The following TNFSF4 variants were observed in gnomAD, a reference collection of about 807,000 sequenced individuals.
TNFSF4 encodes TNF superfamily member 4.
In TNFSF4, 4 loss-of-function variants were observed where a neutral mutation model predicts 7.3. The observed-to-expected ratio is 0.55, with a 90% confidence interval of 0.27 to 1.25. The LOEUF (loss-of-function observed/expected upper bound fraction) is 1.25, where lower values mean the gene tolerates loss of function less well. Ranked by LOEUF, TNFSF4 falls within the 50% of genes most tolerant of loss-of-function variation. The pLI, the probability that TNFSF4 is intolerant of heterozygous loss-of-function variation, is 0.12. For missense variants in TNFSF4, 181 were observed against 208.8 expected (o/e 0.87, Z 0.82); for synonymous variants, 76 against 83.7 (o/e 0.91, Z 0.50).
At chr1:173,222,437 A>T in the TNFSF4 span, among the ~76,000 whole-genome samples, 8 of 152,232 alleles carry the variant, frequency 5.3e-5, no homozygotes, top group Non-Finnish European at 8.8e-5. Context: ...GGCAATTGAG[A>T]TCTTGATACT....
chr1:173,434,525 T>C, the TNFSF4 span, among the ~76,000 whole-genome samples: 631 of 152,266 alleles, frequency 4.1e-3, 3 homozygotes, highest in Middle Eastern at 0.014. Flanking sequence ...GAGTGAACAA[T>C]GGGTGCAAAC....
At chr1:173,342,925 C>T in the TNFSF4 span, among the ~76,000 whole-genome samples, 1 of 152,182 alleles carries the variant, frequency 6.6e-6, no homozygotes, top group Non-Finnish European at 1.5e-5. Context: ...CCACCATCAA[C>T]AAAACATGCT....
the TNFSF4 span, among the ~76,000 whole-genome samples, chr1:173,323,778 T>A: frequency 6.6e-6 from 1 of 151,516 alleles, no homozygotes; most frequent in African/African-American, 2.4e-5. Context: ...GGAGACAAAA[T>A]GAATGAAATA....
At chr1:173,318,387 C>G in the TNFSF4 span, among the ~76,000 whole-genome samples, 15 of 152,292 alleles carry the variant, frequency 9.8e-5, no homozygotes, top group Admixed American at 4.6e-4. Flanking sequence ...CAATAGAAAA[C>G]TCATTCTCTC....
the TNFSF4 span, among the ~76,000 whole-genome samples, chr1:173,360,306 A>G: frequency 5.2e-5 from 8 of 152,382 alleles, no homozygotes; most frequent in East Asian, 5.8e-4. Flanking sequence ...GAGAGCTGTC[A>G]GGACCAAAGT....
the TNFSF4 span, among the ~76,000 whole-genome samples, chr1:173,177,190 C>A: frequency 6.6e-6 from 1 of 151,978 alleles, no homozygotes; most frequent in Admixed American, 6.5e-5. Flanking sequence ...AATTTTTAGA[C>A]TAGAAAATAT....
chr1:173,354,735 TA>T, the TNFSF4 span, among the ~76,000 whole-genome samples: 1 of 152,114 alleles, frequency 6.6e-6, no homozygotes, highest in Non-Finnish European at 1.5e-5. Context: ...AAATAAAAAA[TA>T]AAAAACTTTG....
At chr1:173,333,547 C>T in the TNFSF4 span, among the ~76,000 whole-genome samples, 2 of 151,858 alleles carry the variant, frequency 1.3e-5, no homozygotes, top group Non-Finnish European at 1.5e-5. Context: ...GATGGGGCCC[C>T]CGTGATGGGA....
the TNFSF4 span, among the ~76,000 whole-genome samples, chr1:173,390,287 C>A: frequency 1.3e-5 from 2 of 152,030 alleles, no homozygotes; most frequent in Middle Eastern, 3.4e-3. Context: ...CTGTTGCTGC[C>A]TTTGTAGGTC....
At chr1:173,372,496 G>T in the TNFSF4 span, among the ~76,000 whole-genome samples, 2 of 152,150 alleles carry the variant, frequency 1.3e-5, no homozygotes, top group Non-Finnish European at 2.9e-5. Flanking sequence ...ACTCAGACTC[G>T]TGGGACAACC....
At chr1:173,237,264 A>G in the TNFSF4 span, among the ~76,000 whole-genome samples, 185 of 152,318 alleles carry the variant, frequency 1.2e-3, no homozygotes, top group African/African-American at 4.2e-3. Flanking sequence ...GACTAATACA[A>G]TATGCAAATC....
At chr1:173,238,009 A>G in the TNFSF4 span, among the ~76,000 whole-genome samples, 1 of 152,176 alleles carries the variant, frequency 6.6e-6, no homozygotes, top group African/African-American at 2.4e-5. Flanking sequence ...TTCAAACTGT[A>G]CTACAAGGCT....
chr1:173,229,806 T>G, the TNFSF4 span, among the ~76,000 whole-genome samples: 7 of 152,030 alleles, frequency 4.6e-5, no homozygotes, highest in African/African-American at 9.7e-5. Flanking sequence ...CAACAGACTT[T>G]AAACCGACAA....
chr1:173,310,395 A>G, the TNFSF4 span, among the ~76,000 whole-genome samples: 1 of 151,894 alleles, frequency 6.6e-6, no homozygotes. Flanking sequence ...GTGATTTTTA[A>G]ATATTTGACC....
chr1:173,329,319 C>G, the TNFSF4 span, among the ~76,000 whole-genome samples: 1 of 152,082 alleles, frequency 6.6e-6, no homozygotes, highest in African/African-American at 2.4e-5. Context: ...CCTATACTAC[C>G]TAATACAATG....
At chr1:173,238,356 C>T in the TNFSF4 span, among the ~76,000 whole-genome samples, 2 of 152,090 alleles carry the variant, frequency 1.3e-5, no homozygotes, top group Admixed American at 1.3e-4. Flanking sequence ...GATTTCACAA[C>T]AAAAATGCCA....
the TNFSF4 span, among the ~76,000 whole-genome samples, chr1:173,325,802 C>A: frequency 6.6e-6 from 1 of 152,140 alleles, no homozygotes; most frequent in South Asian, 2.1e-4. Flanking sequence ...TACACCCTCC[C>A]AAGACTAAAC....
chr1:173,278,300 T>C, the TNFSF4 span, among the ~76,000 whole-genome samples: 2 of 152,114 alleles, frequency 1.3e-5, no homozygotes, highest in African/African-American at 4.8e-5. Flanking sequence ...TTTTAATGAA[T>C]GAATGAATTT....
At chr1:173,405,585 T>C in the TNFSF4 span, among the ~76,000 whole-genome samples, 2 of 152,232 alleles carry the variant, frequency 1.3e-5, no homozygotes, top group East Asian at 1.9e-4. Flanking sequence ...TACAATCAAG[T>C]ATACACACAT....
Sources: gnomAD v4.1 joint callset for allele counts (sites outside exome capture counted in the v4.1 genomes callset) on GRCh38, gnomAD v4.1.1 for gene constraint, MANE v1.5 for transcripts, NCBI Gene and HGNC (gene_info 2026-07-23, HGNC 2026-07-21) for gene names.